FGF14: variants seen among roughly 807,000 people sequenced by gnomAD.
FGF14 encodes the protein fibroblast growth factor homologous factor 4.
FGF14 carries 5 observed loss-of-function variants against 25.5 expected under a neutral mutation model. The observed-to-expected ratio is 0.20, with a 90% CI of 0.10 to 0.41. The LOEUF is 0.41. FGF14 is among the 10% of genes least tolerant of loss of function. The probability of loss-of-function intolerance (pLI) is 1.00; values close to 1 mark genes in which losing one functional copy is unlikely to be tolerated. For synonymous variants in FGF14, 138 were observed against 118.3 expected (o/e 1.17, Z -1.08); for missense variants, 222 against 320.1 (o/e 0.69, Z 2.34).
chr13:101,890,659 T>C (rs2046220972), intron 1 of FGF14, among the ~76,000 whole-genome samples: 2 of 152,184 alleles, frequency 1.3e-5, no homozygotes, highest in African/African-American at 4.8e-5. Flanking sequence ...AGGAACAGAA[T>C]TTACGCTTCT....
At chr13:102,290,108 T>G (rs999785698) in intron 1 of FGF14, among the ~76,000 whole-genome samples, 5 of 152,194 alleles carry the variant, frequency 3.3e-5, no homozygotes, top group African/African-American at 1.2e-4. Context: ...ATGAACTGAA[T>G]GATTATGTCC....
chr13:102,060,891 G>T (rs1284926038), intron 1 of FGF14, among the ~76,000 whole-genome samples: 1 of 152,060 alleles, frequency 6.6e-6, no homozygotes, highest in East Asian at 1.9e-4. Flanking sequence ...AGACCCTATT[G>T]GGCACGCACA....
chr13:102,401,655 G>T (rs761340323), exon 1 of FGF14: 3 of 1,614,078 alleles, frequency 1.9e-6, no homozygotes. Flanking sequence ...CAGTTCTCCT[G>T]AAGAGGGGCA....
At chr13:101,971,693 G>C (rs1486915610) in intron 1 of FGF14, among the ~76,000 whole-genome samples, 3 of 152,156 alleles carry the variant, frequency 2.0e-5, no homozygotes, top group African/African-American at 7.2e-5. Flanking sequence ...ATTTGAAGTA[G>C]TTATTATCAC....
chr13:102,270,252 C>CTG (rs771196472), intron 1 of FGF14, among the ~76,000 whole-genome samples: 53 of 152,014 alleles, frequency 3.5e-4, no homozygotes, highest in Non-Finnish European at 7.4e-5. Context: ...CTCTCTCTCT[C>CTG]TGTGTGTCTC....
chr13:101,789,875 A>T (rs1594257735), intron 3 of FGF14, among the ~76,000 whole-genome samples: 1 of 151,752 alleles, frequency 6.6e-6, no homozygotes, highest in East Asian at 1.9e-4. Context: ...TCCTCTTAAT[A>T]TTTAAATGAC....
chr13:102,280,345 A>G (rs1444781373), intron 1 of FGF14, among the ~76,000 whole-genome samples: 1 of 152,156 alleles, frequency 6.6e-6, no homozygotes, highest in African/African-American at 2.4e-5. Flanking sequence ...ACCTGGAGAG[A>G]CTGTTTTAAG....
intron 1 of FGF14, among the ~76,000 whole-genome samples, chr13:102,398,768 G>A (rs1231985816): frequency 2.0e-5 from 3 of 151,598 alleles, no homozygotes; most frequent in African/African-American, 7.3e-5. Context: ...AAGTACAATA[G>A]TGAAAGGGAA....
At chr13:102,350,692 T>C (rs999646744) in intron 1 of FGF14, among the ~76,000 whole-genome samples, 6 of 152,240 alleles carry the variant, frequency 3.9e-5, no homozygotes, top group Non-Finnish European at 7.3e-5. Context: ...CGACAAGCAC[T>C]GTACTTCTTG....
chr13:102,203,199 A>G (rs2049748869), intron 1 of FGF14, among the ~76,000 whole-genome samples: 1 of 152,218 alleles, frequency 6.6e-6, no homozygotes, highest in Admixed American at 6.5e-5. Context: ...TGTTTTATGT[A>G]AATACTGTAA....
intron 1 of FGF14, among the ~76,000 whole-genome samples, chr13:102,376,442 C>G (rs1024740874): frequency 6.6e-6 from 1 of 152,284 alleles, no homozygotes; most frequent in Middle Eastern, 3.4e-3. Flanking sequence ...CAACCCTGTT[C>G]TGTGCTCTTT....
chr13:101,716,291 A>G lies in FGF14; in HGVS notation c.*6540T>C, dbSNP rs1325907217. 3 of 152,202 alleles carry G rather than the reference A, an allele frequency of 2.0e-5. No homozygotes were observed. Among genetic ancestry groups the G allele is most frequent in the Non-Finnish European group, 2.9e-5 (2 of 68,032 alleles). 9.4% of individuals were successfully genotyped at this position (152,202 alleles called of 1,614,324 possible). A position where few individuals can be genotyped will look rare whatever the true frequency, so the allele number is the denominator to read the frequency against. On this transcript the variant is annotated 3_prime_UTR_variant, in exon 5 of 5. Transcript: ENST00000376143. ...ATCAGAGTGGGGCTGGATCAAGGGC[A>G]AAAACTGGTCATTAAGTCATCTGAC...
intron 1 of FGF14, among the ~76,000 whole-genome samples, chr13:102,019,597 T>A (rs1050203714): frequency 5.3e-5 from 8 of 152,196 alleles, no homozygotes; most frequent in Non-Finnish European, 1.2e-4. Context: ...CAAACAGGTC[T>A]CTGTTTCCAA....
chr13:102,060,992 T>A (rs560315420), intron 1 of FGF14, among the ~76,000 whole-genome samples: 1 of 152,284 alleles, frequency 6.6e-6, no homozygotes, highest in African/African-American at 2.4e-5. Flanking sequence ...TGCGGACGCC[T>A]AGGGGAGTTC....
intron 1 of FGF14, among the ~76,000 whole-genome samples, chr13:101,995,298 T>C (rs1421065253): frequency 6.6e-6 from 1 of 152,252 alleles, no homozygotes; most frequent in Non-Finnish European, 1.5e-5. Context: ...GGGATTTCTC[T>C]ACACAGCATG....
intron 1 of FGF14, among the ~76,000 whole-genome samples, chr13:101,893,530 G>C (rs1331520594): frequency 6.6e-6 from 1 of 152,254 alleles, no homozygotes; most frequent in East Asian, 1.9e-4. Context: ...GGCATGGTGA[G>C]ATTATCCTGG....
chr13:102,342,888 G>C (rs969562327), intron 1 of FGF14, among the ~76,000 whole-genome samples: 1 of 152,140 alleles, frequency 6.6e-6, no homozygotes, highest in Non-Finnish European at 1.5e-5. Flanking sequence ...TTAGCCTAAA[G>C]TATTTTCTTC....
At chr13:102,060,507 T>C (rs373047647) in intron 1 of FGF14, among the ~76,000 whole-genome samples, 21 of 152,276 alleles carry the variant, frequency 1.4e-4, no homozygotes, top group African/African-American at 4.8e-4. Context: ...GCCTGGGCAA[T>C]AGAGCGAGAC....
At chr13:102,018,962 C>CA in intron 1 of FGF14, among the ~76,000 whole-genome samples, 1 of 152,112 alleles carries the variant, frequency 6.6e-6, no homozygotes, top group South Asian at 2.1e-4. Context: ...CATGCTCAAT[C>CA]AAGGCTGAGA....
Sources: allele counts gnomAD v4.1 joint callset (sites outside exome capture counted in the v4.1 genomes callset), GRCh38; gene constraint gnomAD v4.1.1; transcripts MANE v1.5; gene names NCBI Gene and HGNC (gene_info 2026-07-23, HGNC 2026-07-21).